MYO3B: variants seen among roughly 807,000 people sequenced by gnomAD.
The protein encoded by MYO3B is myosin IIIB, also known as myosin-IIIb.
A neutral mutation model predicts 174.6 loss-of-function variants in MYO3B; 156 were observed. The ratio of observed to expected loss-of-function variants is 0.89; its 90% CI spans 0.78 to 1.02. The LOEUF (loss-of-function observed/expected upper bound fraction) is 1.02. Ranked by LOEUF, MYO3B falls within the 50% of genes least tolerant of loss-of-function variation. MYO3B has a pLI of 0.00. For missense variants in MYO3B, 1,632 were observed against 1,639.4 expected, an observed-to-expected ratio of 1.00 and a Z score of 0.08; for synonymous variants, 563 against 569.1, an observed-to-expected ratio of 0.99 and a Z score of 0.15.
At chr2:170,209,729 A>G (rs1218841970) in intron 3 of MYO3B, among the ~76,000 whole-genome samples, 1 of 152,244 alleles carries the variant, frequency 6.6e-6, no homozygotes, top group Non-Finnish European at 1.5e-5. Context: ...TTCTTCTCAA[A>G]GAAGTCTGGT....
chr2:170,454,812 T>C (rs779661492), intron 23 of MYO3B, among the ~76,000 whole-genome samples: 1 of 152,174 alleles, frequency 6.6e-6, no homozygotes, highest in Non-Finnish European at 1.5e-5. Flanking sequence ...TTTTTTTTAT[T>C]ACTAAAATCA....
chr2:170,470,925 A>G (rs1684941172), intron 25 of MYO3B, among the ~76,000 whole-genome samples: 1 of 149,768 alleles, frequency 6.7e-6, no homozygotes, highest in African/African-American at 2.5e-5. Context: ...GTTGATGTTT[A>G]TGTATTCCAA....
At chr2:170,489,661 G>GTGTGTGTGTGTGTA (rs1467174716) in intron 25 of MYO3B, among the ~76,000 whole-genome samples, 2 of 149,214 alleles carry the variant, frequency 1.3e-5, no homozygotes, top group African/African-American at 5.1e-5. Flanking sequence ...GTGTGTGTGT[G>GTGTGTGTGTGTGTA]TGTGTGTCTG....
intron 7 of MYO3B, among the ~76,000 whole-genome samples, chr2:170,253,880 T>TCTGGGGA (rs1396609157): frequency 8.8e-6 from 1 of 113,874 alleles, no homozygotes; most frequent in Non-Finnish European, 1.7e-5. Flanking sequence ...GAAGAGCTGT[T>TCTGGGGA]CTGGGGACGG....
intron 5 of MYO3B, among the ~76,000 whole-genome samples, chr2:170,216,992 A>C (rs975345345): frequency 4.6e-5 from 7 of 152,108 alleles, no homozygotes; most frequent in African/African-American, 1.7e-4. Context: ...TCCTATTTTC[A>C]TATGGCCTAT....
At chr2:170,283,881 A>AT (rs2093533289) in intron 7 of MYO3B, among the ~76,000 whole-genome samples, 1 of 152,234 alleles carries the variant, frequency 6.6e-6, no homozygotes, top group African/African-American at 2.4e-5. Context: ...GAATGAGTGA[A>AT]TAGGTGGATG....
rs145293621 is a variant in MYO3B at position 170,472,114 on chromosome 2, C to T, written c.3014+5403C>T. Among the ~76,000 whole-genome samples, 1,233 of 151,628 alleles carry T rather than the reference C, an allele frequency of 8.1e-3. 15 individuals are homozygous for T. The highest frequency in any genetic ancestry group is 0.012 in the Non-Finnish European group (816 of 67,934). ...CTTTTAAAACGTTTTTTTTGCTCAC[C>T]CTCTTGCCAGTTTTCTAAGTGGACT... On this transcript the variant is annotated intron_variant, in intron 25 of 34. Coordinates refer to ENST00000408978, the MANE Select transcript of MYO3B (RefSeq NM_138995.5).
At chr2:170,607,938 T>A (rs951059310) in intron 32 of MYO3B, among the ~76,000 whole-genome samples, 14 of 152,202 alleles carry the variant, frequency 9.2e-5, no homozygotes. Context: ...ATTTGAAAGA[T>A]ATGTTTTGTG....
chr2:170,240,570 A>G (rs1445013433), intron 7 of MYO3B, among the ~76,000 whole-genome samples: 1 of 152,204 alleles, frequency 6.6e-6, no homozygotes, highest in Non-Finnish European at 1.5e-5. Context: ...GAAAAGTTAA[A>G]GCCCTTCCTT....
intron 32 of MYO3B, among the ~76,000 whole-genome samples, chr2:170,629,831 C>G (rs1486008894): frequency 6.6e-6 from 1 of 152,238 alleles, no homozygotes; most frequent in Non-Finnish European, 1.5e-5. Flanking sequence ...GCCTGCGCAA[C>G]AGAGCGAGAC....
chr2:170,210,825 T>G (rs1473521021), intron 3 of MYO3B, among the ~76,000 whole-genome samples: 3 of 152,220 alleles, frequency 2.0e-5, no homozygotes, highest in African/African-American at 7.2e-5. Flanking sequence ...TAAAAAAAAT[T>G]TGATCCAAGC....
At chr2:170,221,902 C>T (rs1048830455) in intron 6 of MYO3B, among the ~76,000 whole-genome samples, 1 of 152,060 alleles carries the variant, frequency 6.6e-6, no homozygotes, top group African/African-American at 2.4e-5. Flanking sequence ...ACTAAACACA[C>T]TGTATGTGAG....
chr2:170,279,982 A>G (rs2093495444), intron 7 of MYO3B, among the ~76,000 whole-genome samples: 1 of 152,230 alleles, frequency 6.6e-6, no homozygotes, highest in South Asian at 2.1e-4. Context: ...GTATATATCC[A>G]GTAATGGATT....
chr2:170,370,451 C>A (rs934083570), intron 9 of MYO3B, among the ~76,000 whole-genome samples: 2 of 152,058 alleles, frequency 1.3e-5, no homozygotes, highest in Non-Finnish European at 2.9e-5. Flanking sequence ...CCTTTTTCCA[C>A]TGCCTTTTCT....
At chr2:170,255,116 G>A (rs1559338403) in intron 7 of MYO3B, among the ~76,000 whole-genome samples, 3 of 152,312 alleles carry the variant, frequency 2.0e-5, no homozygotes, top group African/African-American at 2.4e-5. Context: ...CAGAACGCCT[G>A]CACACATACT....
intron 22 of MYO3B, among the ~76,000 whole-genome samples, chr2:170,416,818 GTTTTTTTTTT>G (rs552594236): frequency 3.1e-4 from 36 of 116,118 alleles, no homozygotes; most frequent in Admixed American, 5.4e-4. Context: ...TTTTTCTGTT[GTTTTTTTTTT>G]TTTTTTTTTT....
intron 30 of MYO3B, among the ~76,000 whole-genome samples, chr2:170,533,912 A>T (rs1360893136): frequency 1.3e-5 from 2 of 152,174 alleles, no homozygotes; most frequent in Non-Finnish European, 2.9e-5. Context: ...AGAAGGGGAG[A>T]GGTGATTTGC....
At chr2:170,439,085 T>C (rs952940388) in intron 22 of MYO3B, among the ~76,000 whole-genome samples, 1 of 151,176 alleles carries the variant, frequency 6.6e-6, no homozygotes, top group African/African-American at 2.4e-5. Context: ...GTTTTTTTTT[T>C]TTTTGGGCCA....
chr2:170,652,136 G>A lies in MYO3B; in HGVS notation c.3869G>A (p.Arg1290Lys). The A allele has an allele frequency of 6.2e-7, 1 of 1,614,054 alleles. No homozygotes were observed. The highest frequency in any genetic ancestry group is 1.3e-5 in the African/African-American group (1 of 75,048). The change falls in exon 34 of 35, where the codon AGG becomes AAG. Residue 1290 changes from arginine to lysine, a missense_variant. Arg to Lys is a conservative substitution (Grantham distance 26). Coordinates refer to ENST00000408978, the MANE Select transcript of MYO3B (RefSeq NM_138995.5). ...NGTLEYQGSK[R>K]KPRKLGQIKV... ...ACTCTAGAATATCAAGGGAGCAAGA[G>A]GAAGCCAAGAAAACTTGGGTAAATA...
Sources: allele counts gnomAD v4.1 joint callset (sites outside exome capture counted in the v4.1 genomes callset), GRCh38; gene constraint gnomAD v4.1.1; transcripts MANE v1.5; gene names NCBI Gene and HGNC (gene_info 2026-07-23, HGNC 2026-07-21).